The following FHIP1A variants were observed in gnomAD, a reference collection of about 807,000 sequenced individuals.
The protein encoded by FHIP1A is FHF complex subunit HOOK interacting protein 1A, also known as FHF complex subunit HOOK-interacting protein 1A.
FHIP1A carries 61 observed loss-of-function variants against 88.6 expected under a neutral mutation model. That is an observed-to-expected ratio of 0.69 (90% confidence interval 0.56 to 0.85). The LOEUF (loss-of-function observed/expected upper bound fraction) is 0.85, where lower values mean the gene tolerates loss of function less well. Ranked by LOEUF, FHIP1A falls within the 40% of genes least tolerant of loss-of-function variation. The probability of loss-of-function intolerance (pLI) is 0.00; values close to 1 mark genes in which losing one functional copy is unlikely to be tolerated. For synonymous variants in FHIP1A, 478 were observed against 496.0 expected, an observed-to-expected ratio of 0.96 and a Z score of 0.48; for missense variants, 1,154 against 1,273.5, an observed-to-expected ratio of 0.91 and a Z score of 1.43.
At chr4:151,647,668 G>A (rs912588645) in intron 10 of FHIP1A, among the ~76,000 whole-genome samples, 6 of 152,310 alleles carry the variant, frequency 3.9e-5, no homozygotes, top group Non-Finnish European at 8.8e-5. Context: ...AGCAATTTAT[G>A]TAATTTAATT....
chr4:151,616,444 CTTTTT>C (rs763599410), intron 7 of FHIP1A, among the ~76,000 whole-genome samples: 3 of 113,386 alleles, frequency 2.6e-5, no homozygotes, highest in Admixed American at 8.9e-5. Flanking sequence ...TTCTTTCTTT[CTTTTT>C]TTTTTTTTTT....
chr4:151,652,735 C>G (rs1278428973), intron 11 of FHIP1A, among the ~76,000 whole-genome samples: 1 of 152,164 alleles, frequency 6.6e-6, no homozygotes, highest in African/African-American at 2.4e-5. Flanking sequence ...CAGGTGAAAG[C>G]AGGTGAGAAT....
intron 1 of FHIP1A, among the ~76,000 whole-genome samples, chr4:151,444,639 T>G (rs1480830706): frequency 6.6e-6 from 1 of 152,196 alleles, no homozygotes; most frequent in African/African-American, 2.4e-5. Context: ...AATATATTAT[T>G]TAATTTTAGC....
At chr4:151,572,292 TG>T (rs750898725) in intron 4 of FHIP1A, among the ~76,000 whole-genome samples, 1 of 152,208 alleles carries the variant, frequency 6.6e-6, no homozygotes, top group Non-Finnish European at 1.5e-5. Flanking sequence ...GTGGTAAGTT[TG>T]ATTTTTGCTG....
intron 3 of FHIP1A, among the ~76,000 whole-genome samples, chr4:151,529,276 C>T (rs1402544603): frequency 6.6e-6 from 1 of 152,094 alleles, no homozygotes; most frequent in Non-Finnish European, 1.5e-5. Context: ...GAGAGCTAGT[C>T]ACCTAAGAGG....
At chr4:151,532,797 G>A (rs981780238) in intron 3 of FHIP1A, among the ~76,000 whole-genome samples, 3 of 152,244 alleles carry the variant, frequency 2.0e-5, no homozygotes, top group Middle Eastern at 3.4e-3. Context: ...CATGGCGGGA[G>A]GTGAAAGGGA....
chr4:151,440,365 GAC>G lies in FHIP1A; in HGVS notation c.-355-14332_-355-14331del, dbSNP rs1335914915. Among the ~76,000 whole-genome samples, 6 of 152,252 alleles carry G rather than the reference GAC, an allele frequency of 3.9e-5. No individual in the cohort carries two copies. In the East Asian group the frequency reaches 1.2e-3, roughly 29 times the overall value. On this transcript the variant is annotated intron_variant, in intron 1 of 13. Coordinates refer to ENST00000435205, the MANE Select transcript of FHIP1A (RefSeq NM_001109977.3). ...CTTTGTCTTTTTTGTTCAGGTGCCT[GAC>G]ACATAGTAGGTGCCAAGTAGGGGCT...
intron 3 of FHIP1A, among the ~76,000 whole-genome samples, chr4:151,518,549 A>G (rs1231171591): frequency 6.6e-6 from 1 of 152,068 alleles, no homozygotes. Flanking sequence ...AGTTGAAGGA[A>G]TTTTATAGTA....
chr4:151,472,955 T>C (rs1324753780), intron 2 of FHIP1A, among the ~76,000 whole-genome samples: 1 of 152,190 alleles, frequency 6.6e-6, no homozygotes. Flanking sequence ...CTTAAGCCAG[T>C]CTTAATATTC....
At chr4:151,419,565 A>ATTCTTTTTTTT (rs1388504482) in intron 1 of FHIP1A, among the ~76,000 whole-genome samples, 1 of 32,712 alleles carries the variant, frequency 3.1e-5, no homozygotes. Context: ...TCTGTTCCTC[A>ATTCTTTTTTTT]TTCTTTTTTT....
At chr4:151,464,449 C>T (rs1729240502) in intron 2 of FHIP1A, among the ~76,000 whole-genome samples, 1 of 152,240 alleles carries the variant, frequency 6.6e-6, no homozygotes, top group Non-Finnish European at 1.5e-5. Flanking sequence ...CCCAACCCAA[C>T]CTTCAAGGTA....
chr4:151,651,695 A>G (rs764392997), intron 11 of FHIP1A, among the ~76,000 whole-genome samples: 5 of 152,188 alleles, frequency 3.3e-5, no homozygotes, highest in Non-Finnish European at 7.3e-5. Flanking sequence ...AATAGATGAA[A>G]ACAGATTGCC....
intron 1 of FHIP1A, among the ~76,000 whole-genome samples, chr4:151,446,541 G>T: frequency 7.3e-6 from 1 of 137,400 alleles, no homozygotes; most frequent in African/African-American, 2.7e-5. Flanking sequence ...CTTATATCCA[G>T]TAGTCAGTTT....
intron 8 of FHIP1A, among the ~76,000 whole-genome samples, chr4:151,632,209 T>C (rs1431651919): frequency 6.6e-6 from 1 of 151,692 alleles, no homozygotes; most frequent in Non-Finnish European, 1.5e-5. Flanking sequence ...AGATAAGGAA[T>C]GACATTAATG....
chr4:151,647,249 G>T (rs1024563998), intron 10 of FHIP1A, among the ~76,000 whole-genome samples: 1 of 152,156 alleles, frequency 6.6e-6, no homozygotes, highest in African/African-American at 2.4e-5. Flanking sequence ...TACTTTACAG[G>T]GGTTATGATA....
intron 3 of FHIP1A, among the ~76,000 whole-genome samples, chr4:151,496,341 A>G (rs1338606104): frequency 2.6e-5 from 4 of 152,004 alleles, no homozygotes. Context: ...AAATACTCAT[A>G]TTCGGTAGCT....
At chr4:151,448,272 A>C (rs933181643) in intron 1 of FHIP1A, among the ~76,000 whole-genome samples, 1 of 152,110 alleles carries the variant, frequency 6.6e-6, no homozygotes, top group Non-Finnish European at 1.5e-5. Flanking sequence ...CACCCAGTCT[A>C]TGTTTTTCTG....
chr4:151,656,647 TGTCTAACATCATA>T lies in FHIP1A; in HGVS notation c.2731-112_2731-100del. 1 of 1,223,290 alleles carries T rather than the reference TGTCTAACATCATA, an allele frequency of 8.2e-7. No individual in the cohort carries two copies. Among genetic ancestry groups the T allele is most frequent in the Non-Finnish European group, 1.1e-6 (1 of 883,216 alleles). 75.8% of individuals were successfully genotyped at this position (1,223,290 alleles called of 1,614,324 possible). A position where few individuals can be genotyped will look rare whatever the true frequency, so the allele number is the denominator to read the frequency against. ...ACCCAGGCAGTTAAAAATGAACAAA[TGTCTAACATCATA>T]ATAGTTCCCATAATGAGGGTGCTAC... On this transcript the variant is annotated intron_variant, in intron 12 of 13. Coordinates refer to ENST00000435205, the MANE Select transcript of FHIP1A (RefSeq NM_001109977.3). The surrounding 1 kb of genome is among the most constrained non-coding windows in gnomAD (Gnocchi z 4.2).
At chr4:151,571,909 C>T (rs1474440621) in intron 4 of FHIP1A, among the ~76,000 whole-genome samples, 2 of 152,214 alleles carry the variant, frequency 1.3e-5, no homozygotes, top group Non-Finnish European at 2.9e-5. Flanking sequence ...CTATCAGACT[C>T]TAAAGTGGTT....
Sources: allele counts gnomAD v4.1 joint callset (sites outside exome capture counted in the v4.1 genomes callset), GRCh38; gene constraint gnomAD v4.1.1; non-coding constraint Gnocchi (gnomAD v3.1); transcripts MANE v1.5; gene names NCBI Gene and HGNC (gene_info 2026-07-23, HGNC 2026-07-21).